RARB: variants seen among roughly 807,000 people sequenced by gnomAD.
RARB encodes HBV-activated protein.
A neutral mutation model predicts 51.9 loss-of-function variants in RARB; 17 were observed. That is an observed-to-expected ratio of 0.33 (90% CI 0.22 to 0.49). The LOEUF (loss-of-function observed/expected upper bound fraction) is 0.49. Among genes scored for constraint, RARB ranks in the 20% least tolerant of loss-of-function variants. The probability of loss-of-function intolerance (pLI) is 0.99; values close to 1 mark genes in which losing one functional copy is unlikely to be tolerated. For synonymous variants in RARB, 215 were observed against 195.4 expected (o/e 1.10, Z -0.84); for missense variants, 369 against 550.8 (o/e 0.67, Z 3.30).
At chr3:25,279,356 G>A (rs1180865460) in intron 5 of RARB, among the ~76,000 whole-genome samples, 1 of 152,080 alleles carries the variant, frequency 6.6e-6, no homozygotes, top group Non-Finnish European at 1.5e-5. Context: ...TTTCTCTCTT[G>A]CACCCACTGC....
intron 2 of RARB, among the ~76,000 whole-genome samples, chr3:24,895,586 T>C (rs1441343532): frequency 6.7e-6 from 1 of 150,114 alleles, no homozygotes; most frequent in Non-Finnish European, 1.5e-5. Flanking sequence ...ATGCTAATTA[T>C]CTTTCTCACT....
chr3:25,308,700 A>G (rs7629182), intron 5 of RARB, among the ~76,000 whole-genome samples: 7,657 of 152,232 alleles, frequency 0.05, 202 homozygotes, highest in African/African-American at 0.058. Context: ...CACCTGCCTC[A>G]GCCTCCCAAA....
intron 2 of RARB, among the ~76,000 whole-genome samples, chr3:24,862,140 G>A (rs1702759447): frequency 2.0e-5 from 3 of 152,158 alleles, no homozygotes. Flanking sequence ...GGTATGGCTG[G>A]AAATAGGAAA....
chr3:25,588,813 G>A (rs944187433), intron 5 of RARB, among the ~76,000 whole-genome samples: 12 of 152,146 alleles, frequency 7.9e-5, no homozygotes, highest in East Asian at 5.8e-4. Context: ...CTGGTTAACT[G>A]TCCTCTTGAA....
intron 5 of RARB, among the ~76,000 whole-genome samples, chr3:25,276,176 T>C (rs894293629): frequency 6.6e-6 from 1 of 152,242 alleles, no homozygotes; most frequent in Non-Finnish European, 1.5e-5. Flanking sequence ...TACTTTTTTG[T>C]CTTTTTGATA....
intron 2 of RARB, among the ~76,000 whole-genome samples, chr3:25,470,641 G>A (rs1695639083): frequency 6.6e-6 from 1 of 152,106 alleles, no homozygotes; most frequent in Non-Finnish European, 1.5e-5. Flanking sequence ...CATTTATTTT[G>A]CATAACCCTA....
At chr3:25,023,360 G>A (rs560280625) in intron 2 of RARB, among the ~76,000 whole-genome samples, 5 of 152,272 alleles carry the variant, frequency 3.3e-5, no homozygotes, top group Admixed American at 6.5e-5. Flanking sequence ...TGATTAATGC[G>A]GTTAAAATGA....
In RARB at chr3:25,111,681, C is replaced by T. The variant is rs1472104882; in HGVS notation, c.-327-20480C>T. On this transcript the variant is annotated intron_variant, in intron 3 of 11. Coordinates refer to the RARB transcript ENST00000383772. ...GCAACCTCCGCCTCCTGGGTTCAAG[C>T]AATTCTCCTGCCTCAGCCTCCCGAG... 4.1e-5 allele frequency among the ~76,000 whole-genome samples: 6 copies of T among 145,744 alleles called. No homozygotes were observed. The East Asian group carries it at 1.3e-3, about 31-fold the overall frequency.
chr3:24,924,464 T>TGGC (rs1695276483), intron 2 of RARB, among the ~76,000 whole-genome samples: 1 of 152,172 alleles, frequency 6.6e-6, no homozygotes, highest in African/African-American at 2.4e-5. Flanking sequence ...TAGCTAGATA[T>TGGC]GGCTGCTGAG....
intron 2 of RARB, among the ~76,000 whole-genome samples, chr3:24,963,272 C>A (rs751374311): frequency 6.6e-6 from 1 of 151,706 alleles, no homozygotes; most frequent in Non-Finnish European, 1.5e-5. Context: ...TCCTTTGCAA[C>A]GTCAAGCAAA....
At chr3:25,503,902 A>T (rs4446182) in intron 3 of RARB, among the ~76,000 whole-genome samples, 8,971 of 152,302 alleles carry the variant, frequency 0.059, 292 homozygotes, top group Non-Finnish European at 0.078. Flanking sequence ...GTACAAGTAC[A>T]CTAGGACTCA....
chr3:25,366,163 A>G (rs1465057915), intron 5 of RARB, among the ~76,000 whole-genome samples: 1 of 152,178 alleles, frequency 6.6e-6, no homozygotes, highest in East Asian at 1.9e-4. Flanking sequence ...TTTCTTCAGT[A>G]CCTGTTACAG....
At chr3:24,971,342 T>C (rs1285959822) in intron 2 of RARB, among the ~76,000 whole-genome samples, 1 of 151,972 alleles carries the variant, frequency 6.6e-6, no homozygotes, top group Non-Finnish European at 1.5e-5. Flanking sequence ...TAGATTGATG[T>C]TATTTGAAAG....
chr3:25,520,558 T>A (rs958204267), intron 3 of RARB, among the ~76,000 whole-genome samples: 1 of 152,248 alleles, frequency 6.6e-6, no homozygotes, highest in Non-Finnish European at 1.5e-5. Context: ...TGATAACTCT[T>A]TTTTTAGATA....
chr3:24,949,474 T>C (rs1325499362), intron 2 of RARB, among the ~76,000 whole-genome samples: 2 of 152,222 alleles, frequency 1.3e-5, no homozygotes, highest in Admixed American at 6.5e-5. Flanking sequence ...ACTAACTTCA[T>C]AGCAATTTAA....
chr3:25,272,482 G>A (rs976077417), intron 5 of RARB, among the ~76,000 whole-genome samples: 4 of 152,188 alleles, frequency 2.6e-5, no homozygotes, highest in African/African-American at 9.7e-5. Flanking sequence ...GTGATGCCCT[G>A]CCTTTGAAAG....
chr3:25,544,270 A>G (rs1699513391), intron 3 of RARB, among the ~76,000 whole-genome samples: 1 of 152,256 alleles, frequency 6.6e-6, no homozygotes, highest in Non-Finnish European at 1.5e-5. Flanking sequence ...TATTTTGAGG[A>G]CATAGATAAT....
chr3:25,074,566 C>A (rs1575148012), intron 3 of RARB, among the ~76,000 whole-genome samples: 1 of 152,268 alleles, frequency 6.6e-6, no homozygotes, highest in South Asian at 2.1e-4. Flanking sequence ...AAGTGGTTCA[C>A]CCTTCGAAGC....
chr3:25,585,397 T>C (rs1701344163), intron 5 of RARB, among the ~76,000 whole-genome samples: 1 of 152,196 alleles, frequency 6.6e-6, no homozygotes, highest in African/African-American at 2.4e-5. Flanking sequence ...AGGGCAAAAT[T>C]GCTTTTGCAA....
Sources: gnomAD v4.1 joint callset for allele counts (sites outside exome capture counted in the v4.1 genomes callset) on GRCh38, gnomAD v4.1.1 for gene constraint, MANE v1.5 for transcripts, NCBI Gene and HGNC (gene_info 2026-07-23, HGNC 2026-07-21) for gene names.